Variants in OCA2 observed in about 807,000 individuals in gnomAD.
The protein encoded by OCA2 is OCA2 melanosomal transmembrane protein, also known as P protein.
In OCA2, 77 loss-of-function variants were observed where a neutral mutation model predicts 100.2. The ratio of observed to expected loss-of-function variants is 0.77; its 90% CI spans 0.64 to 0.93. The LOEUF is 0.93. Ranked by LOEUF, OCA2 falls within the 40% of genes least tolerant of loss-of-function variation. OCA2 has a pLI of 0.00. For synonymous variants in OCA2, 432 were observed against 439.2 expected (o/e 0.98, Z 0.21); for missense variants, 1,062 against 1,089.1 (o/e 0.98, Z 0.35).
chr15:27,910,723 C>T (rs554366005), intron 19 of OCA2, among the ~76,000 whole-genome samples: 4 of 150,654 alleles, frequency 2.7e-5, no homozygotes, highest in African/African-American at 4.9e-5. Flanking sequence ...TTTGGGAGGC[C>T]GAGGCAGGTG....
At chr15:27,863,559 G>A (rs781540629) in intron 21 of OCA2, among the ~76,000 whole-genome samples, 86 of 152,146 alleles carry the variant, frequency 5.7e-4, no homozygotes, top group Non-Finnish European at 1.5e-4. Flanking sequence ...GTGCTGTGAT[G>A]CTGCCGGTGC....
chr15:28,034,681 A>G (rs1021448531), intron 2 of OCA2, among the ~76,000 whole-genome samples: 1 of 152,060 alleles, frequency 6.6e-6, no homozygotes, highest in Non-Finnish European at 1.5e-5. Context: ...AGGCTGGTGG[A>G]AGGATTGATT....
At position 27,812,943 on chromosome 15, in the gene OCA2, T is replaced by C. The variant is rs556939222; in HGVS notation, c.2432+32016A>G. On this transcript the variant is annotated intron_variant, in intron 23 of 23. Transcript: ENST00000354638. ...GACCTCCTTTCCTCCTCCTCCCCAC[T>C]TCCCCACATGCCCACTACAGATGCC... Among the ~76,000 whole-genome samples the C allele has an allele frequency of 1.4e-4, 21 of 151,686 alleles. No individual in the cohort carries two copies. In the East Asian group the frequency reaches 4.1e-3, roughly 30 times the overall value.
chr15:27,896,591 A>G (rs1232623490), intron 19 of OCA2: 1 of 274,914 alleles, frequency 3.6e-6, no homozygotes, highest in African/African-American at 2.2e-5. Context: ...AAACCAAACA[A>G]TTTTCCATGA....
the OCA2 span, among the ~76,000 whole-genome samples, chr15:27,728,511 G>A: frequency 8.6e-3 from 1,309 of 151,944 alleles, 18 homozygotes; most frequent in African/African-American, 0.03. Context: ...CATCCCTTTC[G>A]GCGCAAGCTG....
intron 23 of OCA2, among the ~76,000 whole-genome samples, chr15:27,815,662 A>T (rs1400345665): frequency 1.3e-5 from 2 of 152,232 alleles, no homozygotes; most frequent in Admixed American, 6.5e-5. Context: ...CGCGTGAAAT[A>T]AACAATGACC....
intron 2 of OCA2, among the ~76,000 whole-genome samples, chr15:28,069,439 TC>T (rs1314966944): frequency 1.5e-5 from 1 of 64,716 alleles, no homozygotes; most frequent in Non-Finnish European, 2.7e-5. Context: ...CCTCCCCCTC[TC>T]CCCGGTCTCC....
At chr15:27,827,941 C>T (rs959323628) in intron 23 of OCA2, among the ~76,000 whole-genome samples, 2 of 152,044 alleles carry the variant, frequency 1.3e-5, no homozygotes, top group Non-Finnish European at 2.9e-5. Context: ...CTGGATAAGA[C>T]GATCTATAGC....
intron 23 of OCA2, among the ~76,000 whole-genome samples, chr15:27,838,539 A>G (rs1223219813): frequency 6.6e-6 from 1 of 152,218 alleles, no homozygotes; most frequent in Non-Finnish European, 1.5e-5. Context: ...TCAAAAGAAG[A>G]TACAATGCTA....
intron 9 of OCA2, among the ~76,000 whole-genome samples, chr15:27,995,405 G>A (rs1016496277): frequency 6.6e-6 from 1 of 152,078 alleles, no homozygotes; most frequent in African/African-American, 2.4e-5. Context: ...AAAAAATTTT[G>A]TCTTAGAGAC....
intron 19 of OCA2, among the ~76,000 whole-genome samples, chr15:27,922,680 G>GGGGTGT (rs1555432611): frequency 6.8e-6 from 1 of 147,114 alleles, no homozygotes; most frequent in African/African-American, 2.5e-5. Flanking sequence ...TTTTGTTTGG[G>GGGGTGT]GTGTGTGTGT....
At chr15:27,757,997 T>C (rs546313519) in intron 23 of OCA2, among the ~76,000 whole-genome samples, 1 of 152,298 alleles carries the variant, frequency 6.6e-6, no homozygotes, top group South Asian at 2.1e-4. Flanking sequence ...AGGCTTCTAG[T>C]TCTCAAGCAA....
the OCA2 span, among the ~76,000 whole-genome samples, chr15:27,728,757 C>T: frequency 6.6e-6 from 1 of 152,180 alleles, no homozygotes; most frequent in Non-Finnish European, 1.5e-5. Context: ...TTCTTTACCC[C>T]GTCAAAGAGC....
At chr15:27,913,438 C>G (rs1180637104) in intron 19 of OCA2, among the ~76,000 whole-genome samples, 3 of 151,822 alleles carry the variant, frequency 2.0e-5, no homozygotes, top group African/African-American at 7.3e-5. Context: ...AAGTGTTATC[C>G]ATCATTCTCA....
intron 23 of OCA2, among the ~76,000 whole-genome samples, chr15:27,821,856 C>A (rs1018675039): frequency 2.6e-5 from 4 of 152,182 alleles, no homozygotes; most frequent in Admixed American, 6.5e-5. Flanking sequence ...TATGCACACA[C>A]ACTTTTACAT....
At chr15:27,770,118 C>G (rs536957531) in intron 23 of OCA2, among the ~76,000 whole-genome samples, 1 of 152,342 alleles carries the variant, frequency 6.6e-6, no homozygotes, top group South Asian at 2.1e-4. Flanking sequence ...CATGGAAATA[C>G]AATATCCCAA....
chr15:27,756,312 GGAAGAGGCTACTCA>G (rs2030363760), intron 23 of OCA2, among the ~76,000 whole-genome samples: 1 of 152,186 alleles, frequency 6.6e-6, no homozygotes, highest in Non-Finnish European at 1.5e-5. Context: ...CATAAGTGTA[GGAAGAGGCTACTCA>G]GAAAGAGCCA....
chr15:28,089,012 A>G (rs1212547063), intron 1 of OCA2, among the ~76,000 whole-genome samples: 1 of 152,218 alleles, frequency 6.6e-6, no homozygotes, highest in African/African-American at 2.4e-5. Flanking sequence ...AGACGTCCCC[A>G]AAGTGGCCAT....
At chr15:27,913,883 G>GAAAGAAAGAAAGAAAGAAAGAA (rs1567098187) in intron 19 of OCA2, among the ~76,000 whole-genome samples, 1 of 52,708 alleles carries the variant, frequency 1.9e-5, no homozygotes, top group Non-Finnish European at 3.3e-5. Flanking sequence ...AAGAAAGAAA[G>GAAAGAAAGAAAGAAAGAAAGAA]AAAGAAAGAA....
Sources: allele counts gnomAD v4.1 joint callset (sites outside exome capture counted in the v4.1 genomes callset), GRCh38; gene constraint gnomAD v4.1.1; transcripts MANE v1.5; gene names NCBI Gene and HGNC (gene_info 2026-07-23, HGNC 2026-07-21).